TENM3: variants seen among roughly 807,000 people sequenced by gnomAD.
The protein encoded by TENM3 is teneurin transmembrane protein 3.
A neutral mutation model predicts 255.1 loss-of-function variants in TENM3; 63 were observed. The observed-to-expected ratio is 0.25, with a 90% CI of 0.20 to 0.30. TENM3 has a LOEUF of 0.30. TENM3 is among the 10% of genes least tolerant of loss of function. The pLI is 1.00. For missense variants in TENM3, 2,929 were observed against 3,461.1 expected (o/e 0.85, Z 3.86); for synonymous variants, 1,306 against 1,322.3 (o/e 0.99, Z 0.27).
chr4:181,933,480 C>T, the TENM3 span, among the ~76,000 whole-genome samples: 2 of 152,206 alleles, frequency 1.3e-5, no homozygotes, highest in South Asian at 2.1e-4. Context: ...GAACTTTTGT[C>T]GTCTGATATT....
At position 182,448,874 on chromosome 4, in the gene TENM3, C is replaced by T. The variant is rs1397817454; in HGVS notation, c.511+101945C>T. 19 of 209,004 alleles carry T rather than the reference C, an allele frequency of 9.1e-5. No individual in the cohort carries two copies. In the Middle Eastern group the frequency reaches 8.7e-3, roughly 96 times the overall value. The allele number at this position is 209,004 out of a possible 1,614,324, so 12.9% of individuals were successfully genotyped here. ...TGGGCGCGGGGCTGGCGGGAGGCGG[C>T]GGTGGCGGCCCGGCGCGAAGGGGTT... On this transcript the variant is annotated intron_variant, in intron 3 of 27. Transcript: ENST00000511685.
the TENM3 span, among the ~76,000 whole-genome samples, chr4:181,623,175 G>A: frequency 3.9e-5 from 6 of 152,144 alleles, no homozygotes; most frequent in Admixed American, 6.5e-5. Flanking sequence ...ACCTGGGCTC[G>A]AATGGCAGTT....
chr4:181,549,221 G>A, the TENM3 span, among the ~76,000 whole-genome samples: 1 of 152,174 alleles, frequency 6.6e-6, no homozygotes, highest in Non-Finnish European at 1.5e-5. Context: ...CAGTGCCAAT[G>A]GTAAGTCACC....
intron 13 of TENM3, among the ~76,000 whole-genome samples, chr4:182,716,609 C>G (rs367557582): frequency 2.0e-5 from 3 of 152,164 alleles, no homozygotes. Flanking sequence ...CCTAAGCCAG[C>G]GGGTTCTTTG....
the TENM3 span, among the ~76,000 whole-genome samples, chr4:181,840,917 C>G: frequency 6.6e-6 from 1 of 152,122 alleles, no homozygotes; most frequent in African/African-American, 2.4e-5. Flanking sequence ...TGAGTATTTT[C>G]TGCACTGACT....
the TENM3 span, among the ~76,000 whole-genome samples, chr4:181,805,463 C>T: frequency 6.6e-6 from 1 of 152,136 alleles, no homozygotes; most frequent in Non-Finnish European, 1.5e-5. Flanking sequence ...CAAGTGCCCA[C>T]GGAAAGGTCA....
At chr4:181,658,578 A>G in the TENM3 span, among the ~76,000 whole-genome samples, 1 of 152,186 alleles carries the variant, frequency 6.6e-6, no homozygotes, top group Non-Finnish European at 1.5e-5. Context: ...TTTGCTGCAT[A>G]CAAATCCTGT....
chr4:182,378,986 T>C (rs553822501), intron 3 of TENM3, among the ~76,000 whole-genome samples: 1 of 152,242 alleles, frequency 6.6e-6, no homozygotes, highest in East Asian at 1.9e-4. Flanking sequence ...CCGTGGCCAG[T>C]ATGCACAGGC....
At chr4:182,060,455 G>T in the TENM3 span, among the ~76,000 whole-genome samples, 1 of 151,996 alleles carries the variant, frequency 6.6e-6, no homozygotes, top group African/African-American at 2.4e-5. Flanking sequence ...TTCACAATAG[G>T]ATTCACGCTT....
the TENM3 span, among the ~76,000 whole-genome samples, chr4:181,916,784 G>A: frequency 6.6e-6 from 1 of 152,150 alleles, no homozygotes; most frequent in Admixed American, 6.5e-5. Flanking sequence ...GGCTGAGACA[G>A]GAGAATCGTT....
At chr4:182,769,747 G>C (rs934616609) in intron 22 of TENM3, among the ~76,000 whole-genome samples, 10 of 151,026 alleles carry the variant, frequency 6.6e-5, no homozygotes, top group African/African-American at 2.4e-4. Flanking sequence ...TCGCACCACT[G>C]TACTCTAGCC....
chr4:182,374,781 C>G (rs1236117586), intron 3 of TENM3, among the ~76,000 whole-genome samples: 1 of 152,148 alleles, frequency 6.6e-6, no homozygotes, highest in Non-Finnish European at 1.5e-5. Context: ...TTCTCTTGAT[C>G]TTGGCTTCAT....
upstream of TENM3, chr4:182,142,228 T>C (rs1749494193): frequency 6.6e-6 from 1 of 152,102 alleles, no homozygotes; most frequent in African/African-American, 2.4e-5. Flanking sequence ...CAGAAGGAGA[T>C]GGATCTATCC....
At chr4:181,706,309 T>C in the TENM3 span, among the ~76,000 whole-genome samples, 2 of 152,024 alleles carry the variant, frequency 1.3e-5, no homozygotes, top group Non-Finnish European at 2.9e-5. Context: ...CCTCCAAATC[T>C]CCAAATCCCT....
At chr4:181,740,448 C>A in the TENM3 span, among the ~76,000 whole-genome samples, 1 of 151,902 alleles carries the variant, frequency 6.6e-6, no homozygotes, top group Non-Finnish European at 1.5e-5. Flanking sequence ...AGTCTTACTA[C>A]ATATATTTTT....
At chr4:181,628,965 G>A in the TENM3 span, among the ~76,000 whole-genome samples, 1 of 152,164 alleles carries the variant, frequency 6.6e-6, no homozygotes, top group South Asian at 2.1e-4. Context: ...TCCTACCCAT[G>A]AGCATAGAAT....
At chr4:181,570,816 G>A in the TENM3 span, among the ~76,000 whole-genome samples, 4 of 152,186 alleles carry the variant, frequency 2.6e-5, no homozygotes, top group African/African-American at 9.7e-5. Context: ...ATTTACTGGA[G>A]GCAACACCTG....
At chr4:181,982,461 A>T in the TENM3 span, among the ~76,000 whole-genome samples, 1 of 152,196 alleles carries the variant, frequency 6.6e-6, no homozygotes, top group Admixed American at 6.5e-5. Context: ...TCCTTTCACA[A>T]AGAATGATTA....
intron 4 of TENM3, among the ~76,000 whole-genome samples, chr4:182,622,368 A>G (rs1750372660): frequency 6.6e-6 from 1 of 152,188 alleles, no homozygotes; most frequent in Non-Finnish European, 1.5e-5. Flanking sequence ...AAAAAGAATA[A>G]TTTCATAGCA....
Sources: gnomAD v4.1 joint callset for allele counts (sites outside exome capture counted in the v4.1 genomes callset) on GRCh38, gnomAD v4.1.1 for gene constraint, MANE v1.5 for transcripts, NCBI Gene and HGNC (gene_info 2026-07-23, HGNC 2026-07-21) for gene names.